CMTM4: variants seen among roughly 807,000 people sequenced by gnomAD.
CMTM4 encodes the protein CKLF like MARVEL transmembrane domain containing 4, also known as CKLF-like MARVEL transmembrane domain-containing protein 4.
A neutral mutation model predicts 19.0 loss-of-function variants in CMTM4; 8 were observed. That is an observed-to-expected ratio of 0.42 (90% CI 0.25 to 0.76). The LOEUF (loss-of-function observed/expected upper bound fraction) is 0.76, where lower values mean the gene tolerates loss of function less well. Ranked by LOEUF, CMTM4 falls within the 30% of genes least tolerant of loss-of-function variation. The pLI is 0.27. For synonymous variants in CMTM4, 106 were observed against 121.1 expected, an observed-to-expected ratio of 0.88 and a Z score of 0.82; for missense variants, 228 against 290.2, an observed-to-expected ratio of 0.79 and a Z score of 1.56.
chr16:66,616,268 C>G lies in CMTM4; in HGVS notation c.*5790G>C, dbSNP rs2015524883. ...AAGTGATTATTTGCCTTAAAATATA[C>G]AAAGAATTGCCTACTTTGAAAAAAA... On this transcript the variant is annotated 3_prime_UTR_variant, in exon 4 of 4. Transcript: ENST00000394106. The G allele has an allele frequency of 2.6e-5, 4 of 151,886 alleles. No individual in the cohort carries two copies. The highest frequency in any genetic ancestry group is 2.6e-4 in the Admixed American group (4 of 15,262). 9.4% of individuals were successfully genotyped at this position (151,886 alleles called of 1,614,324 possible).
At chr16:66,686,146 G>A (rs1273275659) in intron 1 of CMTM4, among the ~76,000 whole-genome samples, 6 of 151,854 alleles carry the variant, frequency 4.0e-5, no homozygotes, top group Non-Finnish European at 5.9e-5. Flanking sequence ...CCAGCTACTC[G>A]GGGAGTCTGA....
chr16:66,607,930 G>T, the CMTM4 span, among the ~76,000 whole-genome samples: 4 of 151,496 alleles, frequency 2.6e-5, no homozygotes, highest in Non-Finnish European at 5.9e-5. Flanking sequence ...CTGCAGCCTC[G>T]ACCTCCCCGG....
rs564064463 is a variant in CMTM4, at chr16:66,616,221, C to T, written c.*5837G>A. On this transcript the variant is annotated 3_prime_UTR_variant, in exon 4 of 4. Transcript: ENST00000394106. ...ATGATTGACAAGAGTGCTTATGCGA[C>T]GCATGGAAGGCACCAGAGGTGAAGT... The T allele has an allele frequency of 5.3e-5, 8 of 151,764 alleles. No individual in the cohort carries two copies. In the South Asian group the frequency reaches 6.2e-4, roughly 12 times the overall value. The allele number at this position is 151,764 out of a possible 1,614,324, so 9.4% of individuals were successfully genotyped here. A position where few individuals can be genotyped will look rare whatever the true frequency, so the allele number is the denominator to read the frequency against.
chr16:66,620,504 G>A lies in CMTM4; in HGVS notation c.*1554C>T. The A allele has an allele frequency of 4.1e-6, 4 of 985,500 alleles. No individual in the cohort carries two copies. The South Asian group carries it at 1.9e-4, about 46-fold the overall frequency. 61.0% of individuals were successfully genotyped at this position (985,500 alleles called of 1,614,324 possible). ...CCAGCAGTGTTGCCTGATCAACACTGTGAGCTCAGATGCTGTCCTTTTCTG... is the reference window on the plus strand; with the variant it reads ...CCAGCAGTGTTGCCTGATCAACACTATGAGCTCAGATGCTGTCCTTTTCTG... On this transcript the variant is annotated 3_prime_UTR_variant, in exon 4 of 4. Transcript: ENST00000394106.
Position 66,619,254 on chromosome 16 carries a change from T to C in CMTM4, c.*2804A>G. 3.0e-6 allele frequency: 3 copies of C among 985,414 alleles called. No individual in the cohort carries two copies. The highest frequency in any genetic ancestry group is 3.6e-6 in the Non-Finnish European group (3 of 829,948). 61.0% of individuals were successfully genotyped at this position (985,414 alleles called of 1,614,324 possible). On this transcript the variant is annotated 3_prime_UTR_variant, in exon 4 of 4. Coordinates refer to ENST00000394106, the MANE Select transcript of CMTM4 (RefSeq NM_181521.3). ...AAAAATACCAAATCCACCCAATCAG[T>C]GCCAAAATAAACTTTCTCTGAGGAC... is the stretch of plus-strand genomic sequence containing the variant.
At position 66,696,081 on chromosome 16, in the gene CMTM4, C is replaced by T. The variant is rs1053390062; in HGVS notation, c.186+259G>A. Among the ~76,000 whole-genome samples, 1 of 152,214 alleles carries T rather than the reference C, an allele frequency of 6.6e-6. No individual in the cohort carries two copies. The highest frequency in any genetic ancestry group is 2.4e-5 in the African/African-American group (1 of 41,464). On this transcript the variant is annotated intron_variant, in intron 1 of 3. Coordinates refer to ENST00000394106, the MANE Select transcript of CMTM4 (RefSeq NM_181521.3). This position sits in a 1 kb window ranked among gnomAD's most constrained non-coding sequence, Gnocchi z 4.3. Reference sequence around the variant, plus strand: ...CTCCCGGGAGCGAGGGCGGAGCGGACAGGTAGGCCCGAAGGCAGGTGCTCA... The same window carrying T: ...CTCCCGGGAGCGAGGGCGGAGCGGATAGGTAGGCCCGAAGGCAGGTGCTCA...
intron 2 of CMTM4, among the ~76,000 whole-genome samples, chr16:66,627,411 T>A (rs535659038): frequency 6.6e-6 from 1 of 152,266 alleles, no homozygotes; most frequent in Admixed American, 6.5e-5. Flanking sequence ...TTACCCTTCA[T>A]TGGGTCATAT....
At chr16:66,633,561 T>C (rs1287698360) in intron 2 of CMTM4, among the ~76,000 whole-genome samples, 1 of 152,150 alleles carries the variant, frequency 6.6e-6, no homozygotes, top group African/African-American at 2.4e-5. Context: ...CTCACGCCTG[T>C]AACCTCAGCA....
intron 1 of CMTM4, among the ~76,000 whole-genome samples, chr16:66,695,534 A>G (rs1187881326): frequency 6.6e-6 from 1 of 152,226 alleles, no homozygotes; most frequent in African/African-American, 2.4e-5. Context: ...TTACAAAACC[A>G]CAAAGCAGGA....
intron 2 of CMTM4, among the ~76,000 whole-genome samples, chr16:66,624,061 G>A (rs548380528): frequency 5.3e-5 from 8 of 152,302 alleles, no homozygotes; most frequent in East Asian, 1.9e-4. Flanking sequence ...GATTTAGCTC[G>A]TCTTATTTGT....
chr16:66,620,633 C>T lies in CMTM4; in HGVS notation c.*1425G>A. On this transcript the variant is annotated 3_prime_UTR_variant, in exon 4 of 4. Transcript: ENST00000394106. ...CACAGTACGCTGCTAAAGCTGTCAA[C>T]ATTTGTCAGCACTTGATCTTGGGGA... is the stretch of plus-strand genomic sequence containing the variant. The T allele has an allele frequency of 1.0e-6, 1 of 985,674 alleles. No homozygotes were observed. The allele number at this position is 985,674 out of a possible 1,614,324, so 61.1% of individuals were successfully genotyped here.
At chr16:66,686,876 G>A (rs562603151) in intron 1 of CMTM4, among the ~76,000 whole-genome samples, 7 of 152,042 alleles carry the variant, frequency 4.6e-5, no homozygotes, top group African/African-American at 1.7e-4. Flanking sequence ...ATTTATTGAC[G>A]CATCTTCCTA....
At chr16:66,612,749 T>C, downstream of CMTM4, 1 of 1,061,926 alleles carries the variant, frequency 9.4e-7, no homozygotes. The surrounding 1 kb of genome is among the most constrained non-coding windows in gnomAD (Gnocchi z 6.0). Flanking sequence ...CAGAGGGGGC[T>C]GCGGACACAG....
At chr16:66,686,031 G>A (rs2017024264) in intron 1 of CMTM4, among the ~76,000 whole-genome samples, 1 of 151,774 alleles carries the variant, frequency 6.6e-6, no homozygotes, top group Non-Finnish European at 1.5e-5. Context: ...AAGGCGGGTG[G>A]ATCACGAGGT....
intron 1 of CMTM4, among the ~76,000 whole-genome samples, chr16:66,655,001 G>C (rs887270597): frequency 6.6e-6 from 1 of 151,806 alleles, no homozygotes; most frequent in African/African-American, 2.4e-5. Flanking sequence ...TTTGGGTTTC[G>C]GGGGGCTTTT....
rs576441680 is a variant in CMTM4 at position 66,628,728 on chromosome 16, T to C, written c.364-5226A>G. ...AGTAACAGTCTGATCTCTCTTTTTT[T>C]CCCCTACATCTTCCACTTAGTATAA... On this transcript the variant is annotated intron_variant, in intron 2 of 3. Coordinates refer to ENST00000394106, the MANE Select transcript of CMTM4 (RefSeq NM_181521.3). Among the ~76,000 whole-genome samples, 18 of 152,334 alleles carry C rather than the reference T, an allele frequency of 1.2e-4. No homozygotes were observed. In the South Asian group the frequency reaches 2.7e-3, roughly 23 times the overall value.
chr16:66,617,705 G>A lies in CMTM4; in HGVS notation c.*4353C>T, dbSNP rs1295374934. 1.9e-6 allele frequency: 2 copies of A among 1,045,898 alleles called. No homozygotes were observed. The highest frequency in any genetic ancestry group is 3.2e-5 in the South Asian group (1 of 31,336). 64.8% of individuals were successfully genotyped at this position (1,045,898 alleles called of 1,614,324 possible). On this transcript the variant is annotated 3_prime_UTR_variant, in exon 4 of 4. Coordinates refer to ENST00000394106, the MANE Select transcript of CMTM4 (RefSeq NM_181521.3). ...AAACACAAGATTCTACAAAGCGCCA[G>A]GGAAGTTTACAAAGCTAAAAGCTGA...
intron 1 of CMTM4, among the ~76,000 whole-genome samples, chr16:66,683,209 A>ATG (rs1262037493): frequency 7.2e-6 from 1 of 138,206 alleles, no homozygotes; most frequent in Non-Finnish European, 1.5e-5. Flanking sequence ...ATATATATAT[A>ATG]TAAATTTTCC....
intron 1 of CMTM4, among the ~76,000 whole-genome samples, chr16:66,694,029 GAAAGAA>G (rs1001185001): frequency 2.0e-5 from 3 of 151,040 alleles, no homozygotes; most frequent in African/African-American, 7.3e-5. Flanking sequence ...GTTTAAAAAA[GAAAGAA>G]AAAGAAAGAG....
Sources: allele counts gnomAD v4.1 joint callset (sites outside exome capture counted in the v4.1 genomes callset), GRCh38; gene constraint gnomAD v4.1.1; non-coding constraint Gnocchi (gnomAD v3.1); transcripts MANE v1.5; gene names NCBI Gene and HGNC (gene_info 2026-07-23, HGNC 2026-07-21).